AGPAT4: variants seen among roughly 807,000 people sequenced by gnomAD.
AGPAT4 encodes the protein 1-acyl-sn-glycerol-3-phosphate acyltransferase delta.
Under a neutral mutation model 48.0 loss-of-function variants are expected in AGPAT4, and 15 were observed. The observed-to-expected ratio is 0.31, with a 90% CI of 0.21 to 0.48. The LOEUF is 0.48. Ranked by LOEUF, AGPAT4 falls within the 20% of genes least tolerant of loss-of-function variation. The pLI is 0.99. For synonymous variants in AGPAT4, 178 were observed against 198.7 expected (o/e 0.90, Z 0.88); for missense variants, 314 against 482.5 (o/e 0.65, Z 3.27).
intron 1 of AGPAT4, among the ~76,000 whole-genome samples, chr6:161,258,907 A>C (rs1453263168): frequency 2.0e-5 from 3 of 151,474 alleles, no homozygotes; most frequent in African/African-American, 4.9e-5. Context: ...AGAGATTCTC[A>C]TGCCTCAGCC....
chr6:161,210,408 A>T (rs1212662765), intron 2 of AGPAT4, among the ~76,000 whole-genome samples: 1 of 152,232 alleles, frequency 6.6e-6, no homozygotes, highest in Non-Finnish European at 1.5e-5. Flanking sequence ...AGACAGGATA[A>T]AACAAAAAAG....
rs984539577 is a variant in AGPAT4 at position 161,189,299 on chromosome 6, T to A, written c.179-22882A>T. On this transcript the variant is annotated intron_variant, in intron 2 of 8. Coordinates refer to ENST00000320285, the MANE Select transcript of AGPAT4 (RefSeq NM_020133.3). This position sits in a 1 kb window ranked among gnomAD's most constrained non-coding sequence, Gnocchi z 5.3. ...ATCTGGCTCTTGTGGTGAAGTCTAA[T>A]GAGTGTGCCAAGACCAGCAGGGTGC... Among the ~76,000 whole-genome samples, 1 of 152,116 alleles carries A rather than the reference T, an allele frequency of 6.6e-6. No homozygotes were observed. Among genetic ancestry groups the A allele is most frequent in the Admixed American group, 6.5e-5 (1 of 15,272 alleles).
intron 2 of AGPAT4, among the ~76,000 whole-genome samples, chr6:161,187,714 T>C (rs922853619): frequency 1.1e-4 from 17 of 152,018 alleles, no homozygotes; most frequent in African/African-American, 3.9e-4. Context: ...CTAATTTTTT[T>C]TGTATGTTTA....
At position 161,214,326 on chromosome 6, in the gene AGPAT4, G is replaced by A. The variant is rs139838744; in HGVS notation, c.178+17710C>T. 7.6e-4 allele frequency among the ~76,000 whole-genome samples: 116 copies of A among 152,256 alleles called. 2 individuals carry two copies. In the East Asian group the frequency reaches 0.021, roughly 28 times the overall value. Reference sequence around the variant, plus strand: ...GTCACAGGCACACATCCTCAACCTTGACAAAATAAACTTTCTAAATTTACT... The same window carrying A: ...GTCACAGGCACACATCCTCAACCTTAACAAAATAAACTTTCTAAATTTACT... On this transcript the variant is annotated intron_variant, in intron 2 of 8. Transcript: ENST00000320285. This position sits in a 1 kb window ranked among gnomAD's most constrained non-coding sequence, Gnocchi z 5.4.
intron 2 of AGPAT4, among the ~76,000 whole-genome samples, chr6:161,191,278 C>G (rs1237508643): frequency 6.6e-6 from 1 of 152,216 alleles, no homozygotes; most frequent in Admixed American, 6.5e-5. Context: ...CAGACCAGGC[C>G]TGTGTCACTT....
At chr6:161,258,078 G>A (rs752159081) in intron 1 of AGPAT4, among the ~76,000 whole-genome samples, 4 of 152,160 alleles carry the variant, frequency 2.6e-5, no homozygotes, top group Non-Finnish European at 5.9e-5. Flanking sequence ...AAACTCCTGC[G>A]TGCCAGAATG....
At position 161,154,337 on chromosome 6, in the gene AGPAT4, C is replaced by A; in HGVS notation, c.349-27G>T. On this transcript the variant is annotated intron_variant, in intron 3 of 8. Transcript: ENST00000320285. The surrounding 1 kb of genome is among the most constrained non-coding windows in gnomAD (Gnocchi z 7.8). The stretch of plus-strand genomic sequence containing the variant: ...TGAAACAGAAGAAGGAGCCCAGGTG[C>A]CCATGAAGGAGACGTCAGAGCCACC... 6.2e-7 allele frequency: 1 copy of A among 1,613,092 alleles called. No homozygotes were observed. The highest frequency in any genetic ancestry group is 8.5e-7 in the Non-Finnish European group (1 of 1,179,596).
chr6:161,165,402 T>C lies in AGPAT4; in HGVS notation c.348+846A>G, dbSNP rs781778874. On this transcript the variant is annotated intron_variant, in intron 3 of 8. Coordinates refer to ENST00000320285, the MANE Select transcript of AGPAT4 (RefSeq NM_020133.3). This position sits in a 1 kb window ranked among gnomAD's most constrained non-coding sequence, Gnocchi z 5.5. Reference sequence around the variant, plus strand: ...ATCTTCTATATTCTAAACACCACGATTTTGTCTTCAGGGGCTACCAAAAAG... The same window carrying C: ...ATCTTCTATATTCTAAACACCACGACTTTGTCTTCAGGGGCTACCAAAAAG... Among the ~76,000 whole-genome samples the C allele has an allele frequency of 6.6e-6, 1 of 152,136 alleles. No homozygotes were observed. Among genetic ancestry groups the C allele is most frequent in the African/African-American group, 2.4e-5 (1 of 41,412 alleles).
chr6:161,241,030 C>T (rs1335930416), intron 1 of AGPAT4, among the ~76,000 whole-genome samples: 2 of 151,918 alleles, frequency 1.3e-5, no homozygotes, highest in African/African-American at 2.4e-5. Flanking sequence ...TTTGGGAAGC[C>T]GAGGTGGGTG....
In AGPAT4 at chr6:161,260,729, A is replaced by T. The variant is rs562458285; in HGVS notation, c.-90+13209T>A. Reference sequence around the variant, plus strand: ...TGGCAAAACTCCCTCTCTACACAAAATACAAACATTAGCTGGGTGTGGTGG... The same window carrying T: ...TGGCAAAACTCCCTCTCTACACAAATTACAAACATTAGCTGGGTGTGGTGG... On this transcript the variant is annotated intron_variant, in intron 1 of 8. Transcript: ENST00000320285. 2.5e-4 allele frequency among the ~76,000 whole-genome samples: 38 copies of T among 151,370 alleles called. No individual in the cohort carries two copies. The South Asian group carries it at 7.8e-3, about 31-fold the overall frequency.
rs568451370 is a variant in AGPAT4, at chr6:161,167,801, G to A, written c.179-1384C>T. 9.8e-5 allele frequency among the ~76,000 whole-genome samples: 15 copies of A among 152,324 alleles called. No homozygotes were observed. In the South Asian group the frequency reaches 2.1e-3, roughly 21 times the overall value. ...TTTGGACAAATTAACCTCCTAACAC[G>A]ACAGTGCCTTCATCTTTGGAATGGG... On this transcript the variant is annotated intron_variant, in intron 2 of 8. Coordinates refer to ENST00000320285, the MANE Select transcript of AGPAT4 (RefSeq NM_020133.3).
Position 161,233,990 on chromosome 6 carries a change from C to G in AGPAT4, c.-89-1688G>C, listed in dbSNP as rs1390136086. Among the ~76,000 whole-genome samples the G allele has an allele frequency of 6.6e-6, 1 of 152,198 alleles. No individual in the cohort carries two copies. Among genetic ancestry groups the G allele is most frequent in the Admixed American group, 6.5e-5 (1 of 15,278 alleles). On this transcript the variant is annotated intron_variant, in intron 1 of 8. Coordinates refer to ENST00000320285, the MANE Select transcript of AGPAT4 (RefSeq NM_020133.3). This position sits in a 1 kb window ranked among gnomAD's most constrained non-coding sequence, Gnocchi z 5.4. ...AAGCTTGCCACAATCGGTAACTGAT[C>G]TTGGGGCTCAGTTTTAACTCCGAGC... is the stretch of plus-strand genomic sequence containing the variant.
Position 161,149,200 on chromosome 6 carries a change from C to A in AGPAT4, c.754G>T (p.Asp252Tyr), listed in dbSNP as rs1285162619. 6.2e-7 allele frequency: 1 copy of A among 1,612,492 alleles called. No homozygotes were observed. Among genetic ancestry groups the A allele is most frequent in the Non-Finnish European group, 8.5e-7 (1 of 1,179,740 alleles). Residue 252 changes from aspartate (D) to tyrosine (Y), a missense_variant, in exon 6 of 9, where the codon GAT (aspartate) becomes TAT (tyrosine). Asp to Tyr is a radical substitution (Grantham distance 160, BLOSUM62 -3). Transcript: ENST00000320285. The surrounding 1 kb of genome is among the most constrained non-coding windows in gnomAD (Gnocchi z 6.5). ...GVLNGKKYHA[D>Y]LYVRRIPLED... ...AGTTCGACTTACCTAACATACAAATCTGCATGGTATTTCTTTCCGTTTAGG... is the reference window on the plus strand; with the variant it reads ...AGTTCGACTTACCTAACATACAAATATGCATGGTATTTCTTTCCGTTTAGG...
rs1779703950 is a variant in AGPAT4, at chr6:161,154,394, AGAG to A, written c.349-87_349-85del. On this transcript the variant is annotated intron_variant, in intron 3 of 8. Coordinates refer to ENST00000320285, the MANE Select transcript of AGPAT4 (RefSeq NM_020133.3). The surrounding 1 kb of genome is among the most constrained non-coding windows in gnomAD (Gnocchi z 7.8). The stretch of plus-strand genomic sequence containing the variant: ...GGCTGTTGGAGACTGAAGTAGAAAA[AGAG>A]GAGGGGACGTTCACACCAGACGCCT... 6.5e-7 allele frequency: 1 copy of A among 1,532,112 alleles called. No individual in the cohort carries two copies. The highest frequency in any genetic ancestry group is 8.9e-7 in the Non-Finnish European group (1 of 1,122,170). 94.9% of individuals were successfully genotyped at this position (1,532,112 alleles called of 1,614,324 possible). A position where few individuals can be genotyped will look rare whatever the true frequency, so the allele number is the denominator to read the frequency against.
rs1782439910 is a variant in AGPAT4, at chr6:161,240,106, A to G, written c.-89-7804T>C. Among the ~76,000 whole-genome samples, 1 of 152,134 alleles carries G rather than the reference A, an allele frequency of 6.6e-6. No individual in the cohort carries two copies. Among genetic ancestry groups the G allele is most frequent in the Non-Finnish European group, 1.5e-5 (1 of 68,022 alleles). On this transcript the variant is annotated intron_variant, in intron 1 of 8. Transcript: ENST00000320285. This position sits in a 1 kb window ranked among gnomAD's most constrained non-coding sequence, Gnocchi z 5.5. ...GCAGTAAAATGGATACATTTTCATTATGATATTAAGTGACAGGATACAAAA... is the reference window on the plus strand; with the variant it reads ...GCAGTAAAATGGATACATTTTCATTGTGATATTAAGTGACAGGATACAAAA...
In AGPAT4 at chr6:161,144,291, G is replaced by T. The variant is rs768679987; in HGVS notation, c.843+2233C>A. On this transcript the variant is annotated intron_variant, in intron 7 of 8. Coordinates refer to ENST00000320285, the MANE Select transcript of AGPAT4 (RefSeq NM_020133.3). The surrounding 1 kb of genome is among the most constrained non-coding windows in gnomAD (Gnocchi z 6.6). The stretch of plus-strand genomic sequence containing the variant: ...CCTGCACGGAGAGAGAAAGGGCCTG[G>T]ACTCCAGCACCTGGCTTTGATCAGT... 4 of 465,414 alleles carry T rather than the reference G, an allele frequency of 8.6e-6. No individual in the cohort carries two copies. The highest frequency in any genetic ancestry group is 6.0e-5 in the African/African-American group (3 of 49,824). The allele number at this position is 465,414 out of a possible 1,614,324, so 28.8% of individuals were successfully genotyped here. A position where few individuals can be genotyped will look rare whatever the true frequency, so the allele number is the denominator to read the frequency against.
rs3798945 is a variant in AGPAT4, at chr6:161,264,551, C to T, written c.-90+9387G>A. 0.48 allele frequency among the ~76,000 whole-genome samples: 72,238 copies of T among 152,016 alleles called. 17,838 individuals carry two copies. Among genetic ancestry groups the T allele is most frequent in the African/African-American group, 0.59 (24,547 of 41,460 alleles). On this transcript the variant is annotated intron_variant, in intron 1 of 8. Transcript: ENST00000320285. This position sits in a 1 kb window ranked among gnomAD's most constrained non-coding sequence, Gnocchi z 6.8. ...AGGGGTGGTGAGGTGGTCCCCCTGG[C>T]GTGCCCGCGCATCCCTGCCCTGCAA...
rs774398787 is a variant in AGPAT4 at position 161,164,572 on chromosome 6, G to A, written c.348+1676C>T. On this transcript the variant is annotated intron_variant, in intron 3 of 8. Transcript: ENST00000320285. The surrounding 1 kb of genome is among the most constrained non-coding windows in gnomAD (Gnocchi z 7.4). The stretch of plus-strand genomic sequence containing the variant: ...TTTGTGCCCCCAACATCTTCCAGGG[G>A]AAAGAGCAGAAGCTTTGAAAGCAGA... 1.1e-4 allele frequency among the ~76,000 whole-genome samples: 16 copies of A among 152,234 alleles called. No individual in the cohort carries two copies. Among genetic ancestry groups the A allele is most frequent in the Non-Finnish European group, 1.8e-4 (12 of 68,046 alleles).
At chr6:161,250,664 A>T (rs1205052485) in intron 1 of AGPAT4, among the ~76,000 whole-genome samples, 1 of 152,166 alleles carries the variant, frequency 6.6e-6, no homozygotes, top group African/African-American at 2.4e-5. Context: ...AAACATTTTA[A>T]GGTACCTAGT....
Sources: gnomAD v4.1 joint callset for allele counts (sites outside exome capture counted in the v4.1 genomes callset) on GRCh38, gnomAD v4.1.1 for gene constraint, Gnocchi (gnomAD v3.1) non-coding constraint, MANE v1.5 for transcripts, NCBI Gene and HGNC (gene_info 2026-07-23, HGNC 2026-07-21) for gene names.